PRMT8: variants seen among roughly 807,000 people sequenced by gnomAD.
The protein encoded by PRMT8 is protein arginine methyltransferase 8.
Under a neutral mutation model 47.1 loss-of-function variants are expected in PRMT8, and 7 were observed. The ratio of observed to expected loss-of-function variants is 0.15; its 90% CI spans 0.08 to 0.28. The LOEUF (loss-of-function observed/expected upper bound fraction) is 0.28, where lower values mean the gene tolerates loss of function less well. Among genes scored for constraint, PRMT8 ranks in the 10% least tolerant of loss-of-function variants. The pLI is 1.00. For missense variants in PRMT8, 237 were observed against 505.4 expected, an observed-to-expected ratio of 0.47 and a Z score of 5.09; for synonymous variants, 188 against 186.5, an observed-to-expected ratio of 1.01 and a Z score of -0.07.
At chr12:3,491,756 C>G (rs1467396635) in intron 1 of PRMT8, 56 bp downstream of exon 1, 1 of 1,548,136 alleles carries the variant, frequency 6.5e-7, no homozygotes, top group South Asian at 1.2e-5. Context: ...CCCGGACCAC[C>G]GCGCCGCCGC....
chr12:3,450,263 A>G (rs4766122), intron 1 of PRMT8, among the ~76,000 whole-genome samples: 24,686 of 152,200 alleles, frequency 0.16, 2,070 homozygotes, highest in Middle Eastern at 0.24. Context: ...ACTCTGTTAC[A>G]TTAAAATGTA....
intron 1 of PRMT8, among the ~76,000 whole-genome samples, chr12:3,397,046 C>T (rs890762950): frequency 6.6e-6 from 1 of 151,876 alleles, no homozygotes; most frequent in African/African-American, 2.4e-5. Context: ...GTTCTCGAGC[C>T]TTGGTTTTCA....
chr12:3,567,947 C>G (rs916894430), intron 4 of PRMT8, among the ~76,000 whole-genome samples: 1 of 152,116 alleles, frequency 6.6e-6, no homozygotes, highest in African/African-American at 2.4e-5. Flanking sequence ...GTGGCACATG[C>G]CTGTAATCCC....
intron 1 of PRMT8, among the ~76,000 whole-genome samples, chr12:3,408,019 A>G (rs1022077752): frequency 2.0e-5 from 3 of 151,078 alleles, no homozygotes; most frequent in African/African-American, 7.3e-5. Flanking sequence ...TGCATTTCTC[A>G]CTCAGATCAT....
Position 3,572,532 on chromosome 12 carries a change from T to A in PRMT8, c.712+2968T>A, listed in dbSNP as rs1375010387. ...AGACCTCATGCAGAGGTGGCAGTGC[T>A]TATAGCTTGATGGTTGAAGGGCGGC... is the stretch of plus-strand genomic sequence containing the variant. On this transcript the variant is annotated intron_variant, in intron 6 of 9. Transcript: ENST00000382622. The surrounding 1 kb of genome is among the most constrained non-coding windows in gnomAD (Gnocchi z 5.9). 6.6e-6 allele frequency among the ~76,000 whole-genome samples: 1 copy of A among 152,190 alleles called. No individual in the cohort carries two copies. Among genetic ancestry groups the A allele is most frequent in the Non-Finnish European group, 1.5e-5 (1 of 68,030 alleles).
upstream of PRMT8, chr12:3,491,128 C>A (rs1248960237): frequency 4.1e-6 from 4 of 984,332 alleles, no homozygotes; most frequent in Non-Finnish European, 4.8e-6. Context: ...CAGCCGCCGC[C>A]GGCTCCAGCG....
chr12:3,479,040 G>C (rs1345536430), intron 1 of PRMT8, among the ~76,000 whole-genome samples: 1 of 152,240 alleles, frequency 6.6e-6, no homozygotes, highest in Non-Finnish European at 1.5e-5. Flanking sequence ...GGTGACCAGA[G>C]TCAGAGTCAG....
At chr12:3,426,858 C>T (rs551767789) in intron 1 of PRMT8, among the ~76,000 whole-genome samples, 79 of 152,150 alleles carry the variant, frequency 5.2e-4, no homozygotes, top group African/African-American at 1.4e-3. Context: ...ACAGCAGTCT[C>T]GGTGGTTAGC....
rs568205634 is a variant in PRMT8 at position 3,557,847 on chromosome 12, C to T, written c.481+4133C>T. ...AGGCAGTGTGTGGGCACAGCAGGAT[C>T]AGATGTCCTCTCAGTGGTCCTGAGT... On this transcript the variant is annotated intron_variant, in intron 4 of 9. Coordinates refer to ENST00000382622, the MANE Select transcript of PRMT8 (RefSeq NM_019854.5). This position sits in a 1 kb window ranked among gnomAD's most constrained non-coding sequence, Gnocchi z 4.7. 6.6e-6 allele frequency among the ~76,000 whole-genome samples: 1 copy of T among 152,126 alleles called. No individual in the cohort carries two copies. The highest frequency in any genetic ancestry group is 1.9e-4 in the East Asian group (1 of 5,160).
chr12:3,552,520 C>A lies in PRMT8; in HGVS notation c.418-1131C>A. On this transcript the variant is annotated intron_variant, in intron 3 of 9. Coordinates refer to ENST00000382622, the MANE Select transcript of PRMT8 (RefSeq NM_019854.5). This position sits in a 1 kb window ranked among gnomAD's most constrained non-coding sequence, Gnocchi z 4.5. The stretch of plus-strand genomic sequence containing the variant: ...CTCAACATGGTCGCCTCTTGCAGAT[C>A]AGATGATGACATGGCCAGAGGGGGA... 1 of 315,628 alleles carries A rather than the reference C, an allele frequency of 3.2e-6. No individual in the cohort carries two copies. Among genetic ancestry groups the A allele is most frequent in the Non-Finnish European group, 6.4e-6 (1 of 156,466 alleles). The allele number at this position is 315,628 out of a possible 1,614,324, so 19.6% of individuals were successfully genotyped here.
At chr12:3,562,825 T>C (rs928288398) in intron 4 of PRMT8, among the ~76,000 whole-genome samples, 4 of 152,120 alleles carry the variant, frequency 2.6e-5, no homozygotes, top group Non-Finnish European at 5.9e-5. Context: ...CTGTATACAT[T>C]CCCTCAGGTG....
chr12:3,496,214 A>ATATATTTTTTTTTT, intron 1 of PRMT8, among the ~76,000 whole-genome samples: 1 of 27,774 alleles, frequency 3.6e-5, no homozygotes, highest in African/African-American at 8.8e-5. Flanking sequence ...ATATATATAT[A>ATATATTTTTTTTTT]TTTTTTTTTT....
intron 4 of PRMT8, 131 bp from the exon 5 acceptor site, chr12:3,568,575 T>G: frequency 1.0e-5 from 10 of 977,272 alleles, no homozygotes; most frequent in South Asian, 1.7e-5. Flanking sequence ...TGGTAAAGGG[T>G]GAGCTACATC....
chr12:3,453,241 C>T lies in PRMT8; in HGVS notation c.48+71799C>T, dbSNP rs567462525. ...GAAGCCACGGTTCCTTCCCTCCCCA[C>T]GCCCCTCGCTCACTCTAGTCCTGGC... On this transcript the variant is annotated intron_variant, in intron 1 of 9. Coordinates refer to the PRMT8 transcript ENST00000452611. This position sits in a 1 kb window ranked among gnomAD's most constrained non-coding sequence, Gnocchi z 4.9. Among the ~76,000 whole-genome samples the T allele has an allele frequency of 2.4e-4, 36 of 152,148 alleles. No individual in the cohort carries two copies. Among genetic ancestry groups the T allele is most frequent in the African/African-American group, 3.1e-4 (13 of 41,408 alleles).
intron 1 of PRMT8, among the ~76,000 whole-genome samples, chr12:3,513,715 C>T (rs1007550788): frequency 6.6e-6 from 1 of 152,180 alleles, no homozygotes; most frequent in African/African-American, 2.4e-5. Flanking sequence ...TCTTTCATGT[C>T]ACTTTTCCTG....
chr12:3,453,416 G>A lies in PRMT8; in HGVS notation c.48+71974G>A, dbSNP rs754076746. 5.3e-5 allele frequency among the ~76,000 whole-genome samples: 8 copies of A among 152,160 alleles called. No individual in the cohort carries two copies. Among genetic ancestry groups the A allele is most frequent in the Non-Finnish European group, 1.2e-4 (8 of 68,034 alleles). Reference sequence around the variant, plus strand: ...GTCAGCAGGTGAGGGAGCGCATGGGGAATGCAGATTCCCAGGCCAGCCCTG... The same window carrying A: ...GTCAGCAGGTGAGGGAGCGCATGGGAAATGCAGATTCCCAGGCCAGCCCTG... On this transcript the variant is annotated intron_variant, in intron 1 of 9. Transcript: ENST00000452611. The surrounding 1 kb of genome is among the most constrained non-coding windows in gnomAD (Gnocchi z 4.9).
chr12:3,517,313 C>G (rs1865809989), intron 1 of PRMT8, among the ~76,000 whole-genome samples: 1 of 152,178 alleles, frequency 6.6e-6, no homozygotes, highest in African/African-American at 2.4e-5. Context: ...GTGGCCCGTA[C>G]AGAGATCTCT....
rs1439579275 is a variant in PRMT8, at chr12:3,552,587, G to A, written c.418-1064G>A. On this transcript the variant is annotated intron_variant, in intron 3 of 9. Transcript: ENST00000382622. This position sits in a 1 kb window ranked among gnomAD's most constrained non-coding sequence, Gnocchi z 4.5. Reference sequence around the variant, plus strand: ...TCACACCCCACAGACAGTGCAGCCTGAAGGCCAGGGACCTGGCAGCCCAGG... The same window carrying A: ...TCACACCCCACAGACAGTGCAGCCTAAAGGCCAGGGACCTGGCAGCCCAGG... 1 of 377,818 alleles carries A rather than the reference G, an allele frequency of 2.6e-6. No homozygotes were observed. The highest frequency in any genetic ancestry group is 2.1e-5 in the African/African-American group (1 of 47,680). The allele number at this position is 377,818 out of a possible 1,614,324, so 23.4% of individuals were successfully genotyped here.
chr12:3,467,296 AC>A (rs1337487447), intron 1 of PRMT8, among the ~76,000 whole-genome samples: 1 of 150,960 alleles, frequency 6.6e-6, no homozygotes, highest in Non-Finnish European at 1.5e-5. Context: ...ATGAGTTCAC[AC>A]GGCAGTGAGG....
Sources: gnomAD v4.1 joint callset for allele counts (sites outside exome capture counted in the v4.1 genomes callset) on GRCh38, gnomAD v4.1.1 for gene constraint, Gnocchi (gnomAD v3.1) non-coding constraint, MANE v1.5 for transcripts, NCBI Gene and HGNC (gene_info 2026-07-23, HGNC 2026-07-21) for gene names.